DIP2B: variants seen among roughly 807,000 people sequenced by gnomAD.
DIP2B encodes DIP2 acetate--CoA ligase B (putative), also known as disco-interacting protein 2 homolog B.
Under a neutral mutation model 198.0 loss-of-function variants are expected in DIP2B, and 76 were observed. The observed-to-expected ratio is 0.38, with a 90% CI of 0.32 to 0.46. The LOEUF is 0.46. DIP2B is among the 20% of genes least tolerant of loss of function. The pLI is 0.99. For missense variants in DIP2B, 1,559 were observed against 1,978.4 expected (o/e 0.79, Z 4.02); for synonymous variants, 701 against 739.1 (o/e 0.95, Z 0.84).
chr12:50,627,673 C>A (rs1937962920), intron 2 of DIP2B, among the ~76,000 whole-genome samples: 1 of 152,240 alleles, frequency 6.6e-6, no homozygotes, highest in African/African-American at 2.4e-5. Context: ...GCCCCATGGG[C>A]AAGCCTATAA....
chr12:50,555,168 A>G (rs538969062), intron 1 of DIP2B, among the ~76,000 whole-genome samples: 1 of 152,252 alleles, frequency 6.6e-6, no homozygotes, highest in Non-Finnish European at 1.5e-5. Context: ...GCCCTTCTAG[A>G]AAATAACTGC....
intron 23 of DIP2B, 57 bp from the exon 24 acceptor site, chr12:50,718,652 T>C: frequency 6.8e-7 from 1 of 1,462,520 alleles, no homozygotes; most frequent in South Asian, 1.2e-5. Flanking sequence ...GGAAATGCTC[T>C]GGATACTTAG....
chr12:50,711,211 C>T (rs914169486), intron 22 of DIP2B, among the ~76,000 whole-genome samples: 5 of 152,246 alleles, frequency 3.3e-5, no homozygotes, highest in African/African-American at 7.2e-5. Context: ...CTTACCAGCT[C>T]GGAGCATTCG....
chr12:50,573,158 A>G (rs1593619893), intron 1 of DIP2B, among the ~76,000 whole-genome samples: 2 of 152,230 alleles, frequency 1.3e-5, no homozygotes, highest in East Asian at 3.8e-4. Flanking sequence ...GTCATAATCC[A>G]GAAGAGGTAA....
intron 1 of DIP2B, among the ~76,000 whole-genome samples, chr12:50,530,103 G>T (rs1384180021): frequency 2.0e-5 from 3 of 151,908 alleles, no homozygotes; most frequent in Admixed American, 6.6e-5. Context: ...TTGAGACAGG[G>T]TCTCTCTCTG....
chr12:50,631,100 C>T (rs1013320906), intron 2 of DIP2B, among the ~76,000 whole-genome samples: 3 of 152,082 alleles, frequency 2.0e-5, no homozygotes, highest in African/African-American at 7.2e-5. Context: ...CTGCCTCACT[C>T]TTTCTCCGGT....
intron 1 of DIP2B, among the ~76,000 whole-genome samples, chr12:50,599,012 G>T (rs1369735413): frequency 1.4e-5 from 2 of 139,372 alleles, no homozygotes; most frequent in Non-Finnish European, 3.1e-5. Context: ...ACTCTTGGCT[G>T]GGCACAGTGG....
chr12:50,739,488 A>G lies in DIP2B; in HGVS notation c.4256A>G (p.Asn1419Ser). Residue 1419 changes from asparagine to serine, a missense_variant, in exon 36 of 38, where the codon AAC (asparagine) becomes AGC (serine). Asn to Ser is a conservative substitution (Grantham distance 46, BLOSUM62 1). Coordinates refer to ENST00000301180, the MANE Select transcript of DIP2B (RefSeq NM_173602.3). ...GAGACTCTTCAAGCTGATCATTTCA[A>G]CACTCGCCTCAGCTTTGGAGATGCA... ...DSETLQADHFNTRLSFGDAAQ... is the reference protein window; with the variant it reads ...DSETLQADHFSTRLSFGDAAQ... 1 of 1,614,148 alleles carries G rather than the reference A, an allele frequency of 6.2e-7. No homozygotes were observed. The highest frequency in any genetic ancestry group is 8.5e-7 in the Non-Finnish European group (1 of 1,180,010).
At chr12:50,724,138 A>G (rs1378107907) in intron 27 of DIP2B, among the ~76,000 whole-genome samples, 1 of 152,238 alleles carries the variant, frequency 6.6e-6, no homozygotes, top group Non-Finnish European at 1.5e-5. Flanking sequence ...CATGATCACC[A>G]TAGATGATTT....
In DIP2B at chr12:50,671,274, G is replaced by A. The variant is rs1325073531; in HGVS notation, c.516G>A (p.Glu172=). Reference sequence around the variant, plus strand: ...TGCAACAGAGCTTACAGAATGCTGAGTCCTGGATCAACCGTTCAATTCAGG... The same window carrying A: ...TGCAACAGAGCTTACAGAATGCTGAATCCTGGATCAACCGTTCAATTCAGG... ...AALQQSLQNA[E]SWINRSIQGS... The change falls in exon 5 of 38, where the codon GAG becomes GAA. Residue 172 remains glutamate (E), a synonymous_variant. Coordinates refer to ENST00000301180, the MANE Select transcript of DIP2B (RefSeq NM_173602.3). 6 of 1,614,092 alleles carry A rather than the reference G, an allele frequency of 3.7e-6. No individual in the cohort carries two copies. Among genetic ancestry groups the A allele is most frequent in the African/African-American group, 2.7e-5 (2 of 74,934 alleles).
intron 3 of DIP2B, among the ~76,000 whole-genome samples, chr12:50,653,204 A>C (rs1274081087): frequency 6.6e-6 from 1 of 151,600 alleles, no homozygotes; most frequent in African/African-American, 2.4e-5. Flanking sequence ...CTAGTTATAG[A>C]TCTGTTGAGA....
At chr12:50,646,216 T>C (rs964539316) in intron 3 of DIP2B, among the ~76,000 whole-genome samples, 8 of 151,978 alleles carry the variant, frequency 5.3e-5, no homozygotes, top group Admixed American at 4.6e-4. Flanking sequence ...CTCCGCCTCC[T>C]GGGTTCAAGT....
At chr12:50,735,000 G>A in intron 33 of DIP2B, 73 bp from the exon 34 acceptor site, 1 of 1,563,908 alleles carries the variant, frequency 6.4e-7, no homozygotes, top group Admixed American at 1.7e-5. Context: ...TGGGAAGGCA[G>A]CACCGAGCTG....
rs79637545 is a variant in DIP2B, at chr12:50,733,271, T to C, written c.3981+735T>C. ...TTTTCTTTCTTTTTTTTTTTTTTTT[T>C]CCAAACAATAACCTTGTATTCTCTT... On this transcript the variant is annotated intron_variant, in intron 32 of 37. Coordinates refer to ENST00000301180, the MANE Select transcript of DIP2B (RefSeq NM_173602.3). Among the ~76,000 whole-genome samples the C allele has an allele frequency of 4.7e-4, 55 of 117,456 alleles. No homozygotes were observed. The South Asian group carries it at 5.1e-3, about 11-fold the overall frequency. 77.1% of individuals were successfully genotyped at this position (117,456 alleles called of 152,430 possible). A position where few individuals can be genotyped will look rare whatever the true frequency, so the allele number is the denominator to read the frequency against.
chr12:50,613,026 C>T (rs150290853), intron 1 of DIP2B, among the ~76,000 whole-genome samples: 3 of 152,348 alleles, frequency 2.0e-5, no homozygotes, highest in African/African-American at 7.2e-5. Flanking sequence ...ATGTGCCTCC[C>T]GTTACTGTAG....
rs7952787 is a variant in DIP2B at position 50,736,974 on chromosome 12, G to A, written c.4102-62G>A. ...CTCTCCAGCAGGTAACTAACCGTGC[G>A]TTTCCTGGAGGTCATTAGATTTCAC... On this transcript the variant is annotated intron_variant, in intron 34 of 37. Transcript: ENST00000301180. 9.1e-4 allele frequency: 1,411 copies of A among 1,548,682 alleles called. 11 individuals carry two copies. The African/African-American group carries it at 0.011, about 12-fold the overall frequency.
intron 1 of DIP2B, among the ~76,000 whole-genome samples, chr12:50,525,491 C>T (rs1043145289): frequency 6.6e-6 from 1 of 150,506 alleles, no homozygotes. Context: ...AACCGTGATG[C>T]ATGTTGCTGC....
At chr12:50,623,429 ACACACACACTCT>A (rs1195161838) in intron 1 of DIP2B, among the ~76,000 whole-genome samples, 834 of 49,128 alleles carry the variant, frequency 0.017, 2 homozygotes, top group South Asian at 0.043. Flanking sequence ...ACACACACAC[ACACACACACTCT>A]CTCTCTCTCT....
chr12:50,535,054 C>G (rs1266325366), intron 1 of DIP2B, among the ~76,000 whole-genome samples: 1 of 151,956 alleles, frequency 6.6e-6, no homozygotes, highest in African/African-American at 2.4e-5. Context: ...GATGGTGAAG[C>G]CCTGTCTCTA....
Sources: gnomAD v4.1 joint callset for allele counts (sites outside exome capture counted in the v4.1 genomes callset) on GRCh38, gnomAD v4.1.1 for gene constraint, MANE v1.5 for transcripts, NCBI Gene and HGNC (gene_info 2026-07-23, HGNC 2026-07-21) for gene names.